The following NCOR2 variants were observed in gnomAD, a reference collection of about 807,000 sequenced individuals.
NCOR2 encodes CTG repeat protein 26.
Under a neutral mutation model 262.9 loss-of-function variants are expected in NCOR2, and 81 were observed. The ratio of observed to expected loss-of-function variants is 0.31; its 90% CI spans 0.26 to 0.37. The LOEUF (loss-of-function observed/expected upper bound fraction) is 0.37, where lower values mean the gene tolerates loss of function less well. Ranked by LOEUF, NCOR2 falls within the 10% of genes least tolerant of loss-of-function variation. The pLI, the probability that NCOR2 is intolerant of heterozygous loss-of-function variation, is 1.00. For missense variants in NCOR2, 3,385 were observed against 3,621.4 expected, an observed-to-expected ratio of 0.93 and a Z score of 1.68; for synonymous variants, 1,659 against 1,559.3, an observed-to-expected ratio of 1.06 and a Z score of -1.51.
At chr12:124,355,631 C>G in intron 23 of NCOR2, 60 bp from the exon 26 acceptor site, 1 of 1,488,940 alleles carries the variant, frequency 6.7e-7, no homozygotes, top group South Asian at 1.4e-5. Flanking sequence ...CTGCCGGACA[C>G]ACACTCCAGG....
intron 7 of NCOR2, among the ~76,000 whole-genome samples, chr12:124,442,830 G>A (rs1346333433): frequency 6.6e-6 from 1 of 152,176 alleles, no homozygotes; most frequent in Non-Finnish European, 1.5e-5. Context: ...TACTGGGGTG[G>A]GCCCTAATCC....
chr12:124,551,272 T>A (rs2051705326), intron 1 of NCOR2, among the ~76,000 whole-genome samples: 1 of 152,124 alleles, frequency 6.6e-6, no homozygotes, highest in African/African-American at 2.4e-5. Flanking sequence ...TGCACTGAAT[T>A]ATATACAAAG....
chr12:124,410,487 C>A (rs569919224), intron 13 of NCOR2, among the ~76,000 whole-genome samples: 2 of 151,938 alleles, frequency 1.3e-5, no homozygotes, highest in South Asian at 2.1e-4. Context: ...TAAAACTGCA[C>A]CCAATCCTGC....
chr12:124,378,461 G>A lies in NCOR2; in HGVS notation c.2020-77C>T, dbSNP rs954307998. On this transcript the variant is annotated intron_variant, in intron 17 of 46. Transcript: ENST00000405201. The surrounding 1 kb of genome is among the most constrained non-coding windows in gnomAD (Gnocchi z 4.2). ...GGGGACTCCCCATGCCTGGGGCCTCGCCGCAGGTGCAAAGGGCAGTGATCC... is the reference window on the plus strand; with the variant it reads ...GGGGACTCCCCATGCCTGGGGCCTCACCGCAGGTGCAAAGGGCAGTGATCC... 3.4e-5 allele frequency: 49 copies of A among 1,427,068 alleles called. No individual in the cohort carries two copies. Among genetic ancestry groups the A allele is most frequent in the Admixed American group, 2.0e-4 (9 of 44,458 alleles). The allele number at this position is 1,427,068 out of a possible 1,614,324, so 88.4% of individuals were successfully genotyped here. A position where few individuals can be genotyped will look rare whatever the true frequency, so the allele number is the denominator to read the frequency against.
rs1293889673 is a variant in NCOR2, at chr12:124,495,079, G to A, written c.105+68C>T. The A allele has an allele frequency of 4.5e-6, 7 of 1,567,552 alleles. No individual in the cohort carries two copies. The South Asian group carries it at 5.8e-5, about 13-fold the overall frequency. ...TGGCTCCCAGGAGAAAGGAAGGGGTGAAGACTCAGTGGAATGGAAGAAGGG... is the reference window on the plus strand; with the variant it reads ...TGGCTCCCAGGAGAAAGGAAGGGGTAAAGACTCAGTGGAATGGAAGAAGGG... On this transcript the variant is annotated intron_variant, in intron 1 of 46. Transcript: ENST00000405201. This position sits in a 1 kb window ranked among gnomAD's most constrained non-coding sequence, Gnocchi z 4.4.
intron 27 of NCOR2, 145 bp from the exon 30 acceptor site, chr12:124,350,882 G>T: frequency 1.1e-6 from 1 of 875,918 alleles, no homozygotes; most frequent in African/African-American, 1.7e-5. Context: ...ATAGGTAAGA[G>T]TTTGCATGGA....
chr12:124,444,744 G>C (rs1328209623), intron 7 of NCOR2, among the ~76,000 whole-genome samples: 3 of 152,068 alleles, frequency 2.0e-5, no homozygotes, highest in Non-Finnish European at 4.4e-5. Context: ...GCGGGTTGGG[G>C]TGATGGTCTG....
chr12:124,441,093 C>A (rs1160188416), intron 7 of NCOR2, among the ~76,000 whole-genome samples: 4 of 151,956 alleles, frequency 2.6e-5, no homozygotes, highest in Non-Finnish European at 5.9e-5. Flanking sequence ...CTGTGAAGGC[C>A]TAGAAGCAGT....
At chr12:124,356,884 T>C in intron 22 of NCOR2, 102 bp from the exon 25 acceptor site, 1 of 1,343,082 alleles carries the variant, frequency 7.4e-7, no homozygotes, top group Non-Finnish European at 9.7e-7. Flanking sequence ...GCACCCACAG[T>C]AGTGGTGGCC....
intron 1 of NCOR2, among the ~76,000 whole-genome samples, chr12:124,516,102 G>A (rs1050070211): frequency 1.3e-5 from 2 of 152,194 alleles, no homozygotes; most frequent in African/African-American, 4.8e-5. Flanking sequence ...CCCAGGAGAG[G>A]CCCCATGACA....
At chr12:124,365,120 C>T (rs372749579) in intron 20 of NCOR2, among the ~76,000 whole-genome samples, 5 of 152,258 alleles carry the variant, frequency 3.3e-5, no homozygotes, top group Non-Finnish European at 7.4e-5. Context: ...TATTTGGAGG[C>T]GACGCAGAAC....
At chr12:124,491,392 A>T (rs1359522784) in intron 1 of NCOR2, among the ~76,000 whole-genome samples, 2 of 152,180 alleles carry the variant, frequency 1.3e-5, no homozygotes, top group African/African-American at 2.4e-5. Flanking sequence ...ACTGATAGGG[A>T]AACTGAGGCA....
intron 32 of NCOR2, 25 bp downstream of exon 34, chr12:124,344,572 T>G: frequency 7.0e-7 from 1 of 1,429,532 alleles, no homozygotes; most frequent in East Asian, 2.5e-5. Context: ...CCCACCCCAC[T>G]CACGCCCATG....
intron 1 of NCOR2, among the ~76,000 whole-genome samples, chr12:124,487,876 A>T (rs994941689): frequency 2.5e-5 from 1 of 39,294 alleles, no homozygotes; most frequent in Non-Finnish European, 8.8e-5. Context: ...CTGTGTTTAA[A>T]AAAAAAAAAA....
chr12:124,328,054 G>C (rs2034842414), intron 44 of NCOR2, among the ~76,000 whole-genome samples: 1 of 152,198 alleles, frequency 6.6e-6, no homozygotes, highest in South Asian at 2.1e-4. Flanking sequence ...TTAATGGAGA[G>C]GGTGGGAGAT....
At chr12:124,390,384 C>T (rs919060956) in intron 16 of NCOR2, among the ~76,000 whole-genome samples, 7 of 152,284 alleles carry the variant, frequency 4.6e-5, no homozygotes, top group East Asian at 1.9e-4. Flanking sequence ...GCTGCCTCCA[C>T]GGGTTTTCTC....
At chr12:124,362,066 A>G in intron 22 of NCOR2, 60 bp downstream of exon 24, 1 of 1,237,454 alleles carries the variant, frequency 8.1e-7, no homozygotes, top group South Asian at 4.0e-5. Context: ...ACACACAAAC[A>G]TCCCTTGCCC....
At chr12:124,325,142 G>A (rs934213265) in exon 47 of NCOR2, 12 of 172,544 alleles carry the variant, frequency 7.0e-5, no homozygotes, top group Admixed American at 3.2e-4. Flanking sequence ...CCCCCTCCCC[G>A]GCCCCTTCCC....
At chr12:124,439,371 A>G (rs2044672106) in intron 7 of NCOR2, among the ~76,000 whole-genome samples, 1 of 121,110 alleles carries the variant, frequency 8.3e-6, no homozygotes, top group South Asian at 2.6e-4. Context: ...AGACCCGGAG[A>G]CAGAGGGAGA....
Sources: gnomAD v4.1 joint callset for allele counts (sites outside exome capture counted in the v4.1 genomes callset) on GRCh38, gnomAD v4.1.1 for gene constraint, Gnocchi (gnomAD v3.1) non-coding constraint, MANE v1.5 for transcripts, NCBI Gene and HGNC (gene_info 2026-07-23, HGNC 2026-07-21) for gene names.